RARB: variants seen among roughly 807,000 people sequenced by gnomAD.
RARB encodes the protein HBV-activated protein.
A neutral mutation model predicts 51.9 loss-of-function variants in RARB; 17 were observed. The observed-to-expected ratio is 0.33, with a 90% CI of 0.22 to 0.49. RARB has a LOEUF of 0.49. Ranked by LOEUF, RARB falls within the 20% of genes least tolerant of loss-of-function variation. RARB has a pLI of 0.99. For missense variants in RARB, 369 were observed against 550.8 expected, an observed-to-expected ratio of 0.67 and a Z score of 3.30; for synonymous variants, 215 against 195.4, an observed-to-expected ratio of 1.10 and a Z score of -0.84.
chr3:25,179,154 A>G (rs891522610), intron 5 of RARB, among the ~76,000 whole-genome samples: 2 of 152,176 alleles, frequency 1.3e-5, no homozygotes, highest in Non-Finnish European at 2.9e-5. Flanking sequence ...AGAATTACCA[A>G]TGATGGAACA....
chr3:24,952,789 C>T (rs1197858198), intron 2 of RARB, among the ~76,000 whole-genome samples: 1 of 152,068 alleles, frequency 6.6e-6, no homozygotes, highest in African/African-American at 2.4e-5. Context: ...CAAACCCAAT[C>T]CTCAATTTCC....
chr3:24,895,909 C>T (rs532307608), intron 2 of RARB, among the ~76,000 whole-genome samples: 4 of 152,252 alleles, frequency 2.6e-5, no homozygotes, highest in East Asian at 3.9e-4. Flanking sequence ...GATATTTGTA[C>T]ACTCTTGTTT....
At chr3:25,539,766 C>A (rs903963980) in intron 3 of RARB, among the ~76,000 whole-genome samples, 1 of 151,980 alleles carries the variant, frequency 6.6e-6, no homozygotes, top group African/African-American at 2.4e-5. Flanking sequence ...TCTTATAGTG[C>A]AATCTAAGAC....
chr3:25,169,320 G>C (rs1700606205), intron 4 of RARB, among the ~76,000 whole-genome samples: 1 of 152,172 alleles, frequency 6.6e-6, no homozygotes, highest in Non-Finnish European at 1.5e-5. Context: ...CATGTGGCTA[G>C]GAAAGAAGCC....
intron 2 of RARB, among the ~76,000 whole-genome samples, chr3:25,490,755 T>C (rs1157739064): frequency 6.6e-6 from 1 of 152,222 alleles, no homozygotes; most frequent in African/African-American, 2.4e-5. Flanking sequence ...ATTGGCTTCT[T>C]GCCGTGTTAT....
chr3:25,192,624 GT>G (rs937594140), intron 5 of RARB, among the ~76,000 whole-genome samples: 8 of 152,158 alleles, frequency 5.3e-5, no homozygotes, highest in South Asian at 4.1e-4. Context: ...TTATTTAAAA[GT>G]TTTTGGTTTG....
intron 4 of RARB, among the ~76,000 whole-genome samples, chr3:25,134,314 T>C (rs1674289267): frequency 6.6e-6 from 1 of 152,066 alleles, no homozygotes; most frequent in Non-Finnish European, 1.5e-5. Context: ...GCACATAGGA[T>C]ATAGGAGGCT....
At chr3:24,878,423 G>C (rs1352623081) in intron 2 of RARB, among the ~76,000 whole-genome samples, 1 of 151,620 alleles carries the variant, frequency 6.6e-6, no homozygotes, top group Non-Finnish European at 1.5e-5. Context: ...CTCAGATACT[G>C]GCAAAAACCT....
At chr3:25,075,157 T>G (rs1036155086) in intron 3 of RARB, among the ~76,000 whole-genome samples, 1 of 152,188 alleles carries the variant, frequency 6.6e-6, no homozygotes, top group African/African-American at 2.4e-5. Flanking sequence ...GGTCTTCCAG[T>G]AATTTAGCTA....
intron 1 of RARB, among the ~76,000 whole-genome samples, chr3:25,442,512 T>C (rs1303388398): frequency 6.6e-6 from 1 of 152,252 alleles, no homozygotes; most frequent in Non-Finnish European, 1.5e-5. Flanking sequence ...AATTCACTTC[T>C]ACATACTTCA....
Position 25,428,364 on chromosome 3 carries a change from G to A in RARB, c.-368G>A. ...CCCATGCGAGCTGTTTGAGGACTGG[G>A]ATGCCGAGAACGCGAGCGATCCGAG... On this transcript the variant is annotated 5_prime_UTR_variant, in exon 1 of 8. Coordinates refer to ENST00000330688, the MANE Select transcript of RARB (RefSeq NM_000965.5). The A allele has an allele frequency of 3.2e-5, 40 of 1,249,388 alleles. No homozygotes were observed. The highest frequency in any genetic ancestry group is 3.9e-5 in the Non-Finnish European group (39 of 998,294). The allele number at this position is 1,249,388 out of a possible 1,614,324, so 77.4% of individuals were successfully genotyped here. A position where few individuals can be genotyped will look rare whatever the true frequency, so the allele number is the denominator to read the frequency against.
intron 5 of RARB, among the ~76,000 whole-genome samples, chr3:25,350,247 AC>A (rs1390241772): frequency 1.3e-5 from 2 of 152,088 alleles, no homozygotes; most frequent in African/African-American, 4.8e-5. Context: ...TTTGGAGCCC[AC>A]CAAAGCAACC....
chr3:25,595,252 A>T (rs1026665587), intron 7 of RARB, among the ~76,000 whole-genome samples: 1 of 152,326 alleles, frequency 6.6e-6, no homozygotes, highest in Admixed American at 6.5e-5. Flanking sequence ...AGGTTTTTCT[A>T]TGTAGAGAGA....
intron 2 of RARB, among the ~76,000 whole-genome samples, chr3:24,891,217 A>G (rs181044570): frequency 3.5e-4 from 54 of 152,298 alleles, no homozygotes; most frequent in African/African-American, 1.1e-3. Flanking sequence ...CTTTCTACAT[A>G]TATTCCTATT....
chr3:25,106,010 T>A (rs6778399), intron 3 of RARB, among the ~76,000 whole-genome samples: 1 of 152,126 alleles, frequency 6.6e-6, no homozygotes, highest in African/African-American at 2.4e-5. Context: ...TCATTTAGAC[T>A]GCAGTAGCTA....
chr3:25,080,232 G>A (rs1310092121), intron 3 of RARB, among the ~76,000 whole-genome samples: 1 of 152,172 alleles, frequency 6.6e-6, no homozygotes, highest in Non-Finnish European at 1.5e-5. Context: ...TGTTTTCAAA[G>A]TTCACCCATT....
Position 25,497,112 on chromosome 3 carries a change from G to A in RARB, c.307-4070G>A, listed in dbSNP as rs1043831150. ...TTGGTCAGGCTGGTCTCGAACTCCCGACCCTCAGGTGATCCGCCCACCTTG... is the reference window on the plus strand; with the variant it reads ...TTGGTCAGGCTGGTCTCGAACTCCCAACCCTCAGGTGATCCGCCCACCTTG... On this transcript the variant is annotated intron_variant, in intron 2 of 7. Transcript: ENST00000330688. 5.3e-5 allele frequency among the ~76,000 whole-genome samples: 8 copies of A among 152,154 alleles called. No homozygotes were observed. In the South Asian group the frequency reaches 6.2e-4, roughly 12 times the overall value.
At chr3:25,462,966 G>A (rs796181566) in intron 2 of RARB, among the ~76,000 whole-genome samples, 2 of 152,172 alleles carry the variant, frequency 1.3e-5, no homozygotes, top group African/African-American at 4.8e-5. Context: ...GGTCAGCCTA[G>A]ACTCAGTAGG....
chr3:25,225,381 G>T (rs1191245098), intron 5 of RARB, among the ~76,000 whole-genome samples: 1 of 152,054 alleles, frequency 6.6e-6, no homozygotes, highest in Admixed American at 6.6e-5. Flanking sequence ...TATGAAAAGG[G>T]TAATATCTGA....
Sources: allele counts gnomAD v4.1 joint callset (sites outside exome capture counted in the v4.1 genomes callset), GRCh38; gene constraint gnomAD v4.1.1; transcripts MANE v1.5; gene names NCBI Gene and HGNC (gene_info 2026-07-23, HGNC 2026-07-21).